KIAA1217: variants seen among roughly 807,000 people sequenced by gnomAD.
KIAA1217 encodes the protein sickle tail protein homolog.
A neutral mutation model predicts 163.9 loss-of-function variants in KIAA1217; 88 were observed. The ratio of observed to expected loss-of-function variants is 0.54; its 90% CI spans 0.45 to 0.64. The LOEUF is 0.64. KIAA1217 is among the 30% of genes least tolerant of loss of function. The pLI, the probability that KIAA1217 is intolerant of heterozygous loss-of-function variation, is 0.00. For missense variants in KIAA1217, 2,372 were observed against 2,475.0 expected, an observed-to-expected ratio of 0.96 and a Z score of 0.88; for synonymous variants, 903 against 923.1, an observed-to-expected ratio of 0.98 and a Z score of 0.39.
intron 2 of KIAA1217, among the ~76,000 whole-genome samples, chr10:24,341,181 T>C (rs1307101509): frequency 6.6e-6 from 1 of 152,244 alleles, no homozygotes; most frequent in Non-Finnish European, 1.5e-5. Context: ...CGGGCTGAAG[T>C]TGGACTCAGT....
intron 1 of KIAA1217, among the ~76,000 whole-genome samples, chr10:23,960,486 A>G (rs1844775961): frequency 6.7e-6 from 1 of 148,612 alleles, no homozygotes; most frequent in Non-Finnish European, 1.5e-5. Flanking sequence ...CCAACTCCCA[A>G]TTTCAGGTGA....
intron 2 of KIAA1217, among the ~76,000 whole-genome samples, chr10:24,274,728 A>C (rs998470860): frequency 6.6e-6 from 1 of 151,992 alleles, no homozygotes; most frequent in Non-Finnish European, 1.5e-5. Context: ...AAAAATCCTT[A>C]TTTTACCTGT....
At chr10:24,514,671 GT>G (rs1050036264) in intron 10 of KIAA1217, among the ~76,000 whole-genome samples, 11 of 152,236 alleles carry the variant, frequency 7.2e-5, no homozygotes, top group African/African-American at 2.4e-4. Context: ...TAGGTCTCCA[GT>G]TTCTTCTTTA....
intron 2 of KIAA1217, among the ~76,000 whole-genome samples, chr10:24,256,046 CAAAAAA>C (rs11358712): frequency 2.5e-5 from 2 of 79,106 alleles, no homozygotes; most frequent in South Asian, 1.0e-3. Flanking sequence ...CTCAGATGAC[CAAAAAA>C]AAAAAAAAAA....
rs142904435 is a variant in KIAA1217, at chr10:24,186,856, C to CTCCA, written c.-170-32769_-170-32766dup. Among the ~76,000 whole-genome samples, 513 of 152,236 alleles carry CTCCA rather than the reference C, an allele frequency of 3.4e-3. 1 individual carries two copies. Among genetic ancestry groups the CTCCA allele is most frequent in the Admixed American group, 8.2e-3 (125 of 15,294 alleles). On this transcript the variant is annotated intron_variant, in intron 2 of 18. Transcript: ENST00000376462. ...AGTGGGCCAAGACGGTGGCACTGCA[C>CTCCA]TCCAGCCTGGGTGACAGAGTGAGAC...
chr10:23,706,944 C>G (rs944524335), intron 1 of KIAA1217, among the ~76,000 whole-genome samples: 2 of 152,204 alleles, frequency 1.3e-5, no homozygotes, highest in African/African-American at 4.8e-5. Flanking sequence ...GGACACCAGG[C>G]GGGGACCTGT....
At chr10:24,037,093 T>G (rs1426999391) in intron 2 of KIAA1217, among the ~76,000 whole-genome samples, 1 of 151,992 alleles carries the variant, frequency 6.6e-6, no homozygotes, top group Non-Finnish European at 1.5e-5. Flanking sequence ...AAAAGGCAAA[T>G]GTCAAGGTTC....
chr10:23,749,871 G>C (rs1280525251), intron 1 of KIAA1217, among the ~76,000 whole-genome samples: 2 of 152,162 alleles, frequency 1.3e-5, no homozygotes, highest in African/African-American at 4.8e-5. Flanking sequence ...TTGTACAAAA[G>C]GGACTAATAT....
intron 1 of KIAA1217, among the ~76,000 whole-genome samples, chr10:23,973,466 C>A (rs1845407657): frequency 6.6e-6 from 1 of 152,206 alleles, no homozygotes; most frequent in Admixed American, 6.5e-5. Flanking sequence ...CTACCTGAAT[C>A]TAAAACCCAA....
intron 1 of KIAA1217, among the ~76,000 whole-genome samples, chr10:23,929,508 T>G (rs1843165805): frequency 6.6e-6 from 1 of 152,094 alleles, no homozygotes; most frequent in Admixed American, 6.6e-5. Context: ...TTTCCCATCT[T>G]TAAGTCCACG....
chr10:24,531,845 C>T lies in KIAA1217; in HGVS notation c.3098C>T (p.Ser1033Leu), dbSNP rs534553518. The change falls in exon 15 of 21, where the codon TCG (serine) becomes TTG (leucine). Residue 1033 changes from serine to leucine, a missense_variant. By Grantham distance (145) the Ser-to-Leu change is moderately radical. This residue lies in a region of KIAA1217 where 1,431 missense variants were observed against 1,470.3 expected (regional missense o/e 0.97). Coordinates refer to ENST00000376454, the MANE Select transcript of KIAA1217 (RefSeq NM_019590.5). Reference protein sequence around the residue: ...KVELSEDSPNSEQDLEKLGGK... With the variant: ...KVELSEDSPNLEQDLEKLGGK... ...TGTTTTCCAGAAGATTCTCCAAATT[C>T]GGAACAGGACTTGGAAAAGCTGGGG... 9.6e-5 allele frequency: 153 copies of T among 1,590,680 alleles called. No individual in the cohort carries two copies. Among genetic ancestry groups the T allele is most frequent in the East Asian group, 2.5e-4 (11 of 44,350 alleles).
intron 1 of KIAA1217, among the ~76,000 whole-genome samples, chr10:23,943,810 A>G (rs1245912717): frequency 6.6e-6 from 1 of 152,212 alleles, no homozygotes; most frequent in African/African-American, 2.4e-5. Context: ...TGATTTTTTT[A>G]CCAAAGTGCC....
intron 2 of KIAA1217, among the ~76,000 whole-genome samples, chr10:24,146,104 C>T (rs2064297249): frequency 6.6e-6 from 1 of 152,238 alleles, no homozygotes; most frequent in Admixed American, 6.5e-5. Context: ...AGAAACTTTA[C>T]GTGTACCTGA....
intron 1 of KIAA1217, among the ~76,000 whole-genome samples, chr10:23,782,622 G>A (rs1588793121): frequency 1.3e-5 from 2 of 151,946 alleles, no homozygotes; most frequent in Non-Finnish European, 2.9e-5. Context: ...TAGTAGAGAC[G>A]GGGTTTCACC....
chr10:23,804,428 A>G (rs1487010170), intron 1 of KIAA1217, among the ~76,000 whole-genome samples: 2 of 152,234 alleles, frequency 1.3e-5, no homozygotes, highest in African/African-American at 4.8e-5. Flanking sequence ...AGTACGGTCT[A>G]GGAGCCACTC....
chr10:23,786,118 C>G (rs1443942568), intron 1 of KIAA1217, among the ~76,000 whole-genome samples: 1 of 152,048 alleles, frequency 6.6e-6, no homozygotes, highest in East Asian at 1.9e-4. Context: ...CTGTAAAAGT[C>G]CATGGAATTA....
chr10:24,298,236 A>G (rs2040853622), intron 2 of KIAA1217, among the ~76,000 whole-genome samples: 2 of 152,060 alleles, frequency 1.3e-5, no homozygotes, highest in African/African-American at 2.4e-5. Flanking sequence ...GTAGCTCCTG[A>G]TGTCATTGTA....
chr10:24,196,511 T>C (rs896935657), intron 2 of KIAA1217, among the ~76,000 whole-genome samples: 1 of 152,176 alleles, frequency 6.6e-6, no homozygotes, highest in Non-Finnish European at 1.5e-5. Flanking sequence ...GTATCGGGGA[T>C]GATTAGGGAG....
In KIAA1217 at chr10:24,134,659, G is replaced by A. The variant is rs538255951; in HGVS notation, c.-170-84967G>A. Among the ~76,000 whole-genome samples, 21 of 152,144 alleles carry A rather than the reference G, an allele frequency of 1.4e-4. No homozygotes were observed. The South Asian group carries it at 3.7e-3, about 27-fold the overall frequency. The stretch of plus-strand genomic sequence containing the variant: ...CATGATCAGAGCTCACTGCAGCCTC[G>A]AACCCCTGGGCTCAAGCGATCCTCC... On this transcript the variant is annotated intron_variant, in intron 2 of 18. Transcript: ENST00000376462.
Sources: allele counts gnomAD v4.1 joint callset (sites outside exome capture counted in the v4.1 genomes callset), GRCh38; gene constraint gnomAD v4.1.1; regional missense constraint gnomAD v4.1.1; transcripts MANE v1.5; gene names NCBI Gene and HGNC (gene_info 2026-07-23, HGNC 2026-07-21).